Variants in PALLD observed in about 807,000 individuals in gnomAD.
PALLD encodes the protein palladin.
PALLD carries 61 observed loss-of-function variants against 123.5 expected under a neutral mutation model. The ratio of observed to expected loss-of-function variants is 0.49; its 90% confidence interval spans 0.40 to 0.61. The LOEUF is 0.61. Ranked by LOEUF, PALLD falls within the 20% of genes least tolerant of loss-of-function variation. The pLI is 0.00. For synonymous variants in PALLD, 465 were observed against 496.4 expected (o/e 0.94, Z 0.84); for missense variants, 1,273 against 1,377.0 (o/e 0.92, Z 1.20).
At chr4:168,796,039 G>T (rs1290956752) in intron 10 of PALLD, among the ~76,000 whole-genome samples, 1 of 152,106 alleles carries the variant, frequency 6.6e-6, no homozygotes, top group Non-Finnish European at 1.5e-5. Context: ...TTTATCCTTT[G>T]TGTTACAAAC....
chr4:168,767,170 C>T (rs1211883477), intron 10 of PALLD, among the ~76,000 whole-genome samples: 3 of 152,180 alleles, frequency 2.0e-5, no homozygotes, highest in Admixed American at 2.0e-4. Context: ...ACAACTATCT[C>T]TGCCTTTCAT....
rs111986901 is a variant in PALLD at position 168,571,547 on chromosome 4, T to G, written c.908+59135T>G. On this transcript the variant is annotated intron_variant, in intron 2 of 21. Coordinates refer to ENST00000505667, the MANE Select transcript of PALLD (RefSeq NM_001166108.2). Reference sequence around the variant, plus strand: ...AAAAATTTTAATTGCAATCCCTGACTTCATTTAAATTCCAGTTGACTCCCA... The same window carrying G: ...AAAAATTTTAATTGCAATCCCTGACGTCATTTAAATTCCAGTTGACTCCCA... Among the ~76,000 whole-genome samples, 1,186 of 152,294 alleles carry G rather than the reference T, an allele frequency of 7.8e-3. 8 individuals are homozygous for G. The highest frequency in any genetic ancestry group is 0.027 in the African/African-American group (1,111 of 41,568).
chr4:168,702,127 C>T (rs1783734061), intron 8 of PALLD, among the ~76,000 whole-genome samples: 1 of 152,194 alleles, frequency 6.6e-6, no homozygotes, highest in South Asian at 2.1e-4. Flanking sequence ...CTTTCATTAC[C>T]TTACTTTATG....
chr4:168,622,408 C>T (rs992627502), intron 2 of PALLD, among the ~76,000 whole-genome samples: 2 of 152,224 alleles, frequency 1.3e-5, no homozygotes, highest in African/African-American at 4.8e-5. Context: ...CAATGTCTCT[C>T]ACCAGTCGGC....
At chr4:168,502,723 G>A (rs147066816) in intron 1 of PALLD, among the ~76,000 whole-genome samples, 1 of 152,062 alleles carries the variant, frequency 6.6e-6, no homozygotes, top group Non-Finnish European at 1.5e-5. Context: ...GAAAAAGGGA[G>A]ACCTCGTTTC....
chr4:168,772,267 A>G (rs1734559935), intron 10 of PALLD, among the ~76,000 whole-genome samples: 1 of 152,168 alleles, frequency 6.6e-6, no homozygotes, highest in Non-Finnish European at 1.5e-5. Context: ...TCCTAACACA[A>G]TGCACCAAAG....
At chr4:168,707,879 A>G (rs992635191) in intron 8 of PALLD, among the ~76,000 whole-genome samples, 3 of 152,218 alleles carry the variant, frequency 2.0e-5, no homozygotes, top group African/African-American at 7.2e-5. Context: ...TACTGGTACA[A>G]TATAAGCAAT....
chr4:168,675,360 A>G (rs3109207), intron 3 of PALLD, among the ~76,000 whole-genome samples: 78,695 of 152,010 alleles, frequency 0.52, 21,936 homozygotes, highest in African/African-American at 0.73. Flanking sequence ...AATCAGATAA[A>G]ATGTGTGCCC....
chr4:168,901,538 A>G (rs981469742), intron 14 of PALLD, among the ~76,000 whole-genome samples: 16 of 152,210 alleles, frequency 1.1e-4, no homozygotes, highest in African/African-American at 3.6e-4. Flanking sequence ...TTGTATACTT[A>G]TTACAGCTTC....
intron 10 of PALLD, among the ~76,000 whole-genome samples, chr4:168,782,349 G>A (rs1363248621): frequency 6.6e-6 from 1 of 152,142 alleles, no homozygotes; most frequent in African/African-American, 2.4e-5. Flanking sequence ...TTTTAAAATA[G>A]GCAGATAGTG....
chr4:168,832,114 T>G (rs1028507801), intron 10 of PALLD: 17 of 960,458 alleles, frequency 1.8e-5, no homozygotes, highest in Middle Eastern at 5.3e-4. Context: ...CCGCTGCAGC[T>G]CCCGCTCGCT....
At chr4:168,529,515 T>C (rs1387634508) in intron 2 of PALLD, among the ~76,000 whole-genome samples, 2 of 152,156 alleles carry the variant, frequency 1.3e-5, no homozygotes, top group Non-Finnish European at 2.9e-5. Context: ...CACATGACGA[T>C]GGAAAGTCTT....
chr4:168,681,494 A>T, intron 4 of PALLD, 96 bp downstream of exon 4: 1 of 820,262 alleles, frequency 1.2e-6, no homozygotes, highest in South Asian at 1.4e-5. Flanking sequence ...TGAAGAAAAA[A>T]GTCAACTGAT....
At chr4:168,801,184 C>T (rs936496990) in intron 10 of PALLD, among the ~76,000 whole-genome samples, 1 of 152,160 alleles carries the variant, frequency 6.6e-6, no homozygotes, top group African/African-American at 2.4e-5. Flanking sequence ...GAGGGGGAGG[C>T]ACACACAGGA....
intron 10 of PALLD, among the ~76,000 whole-genome samples, chr4:168,716,216 C>T (rs947576008): frequency 1.3e-5 from 2 of 152,058 alleles, no homozygotes; most frequent in East Asian, 1.9e-4. Flanking sequence ...AGCCTGTAGA[C>T]GAGCAAAATG....
chr4:168,839,731 C>T (rs773738194), intron 10 of PALLD, among the ~76,000 whole-genome samples: 9 of 152,094 alleles, frequency 5.9e-5, no homozygotes, highest in Admixed American at 1.3e-4. Context: ...ATGTCCAGGA[C>T]ACAATTATAT....
chr4:168,574,782 A>G (rs754325046), intron 2 of PALLD, among the ~76,000 whole-genome samples: 2 of 152,138 alleles, frequency 1.3e-5, no homozygotes, highest in Non-Finnish European at 2.9e-5. Flanking sequence ...CTTATTAGCT[A>G]CTATAGAGAA....
intron 8 of PALLD, among the ~76,000 whole-genome samples, chr4:168,694,524 A>T (rs1201945023): frequency 6.8e-6 from 1 of 147,488 alleles, no homozygotes; most frequent in Non-Finnish European, 1.5e-5. Context: ...CTTTTTATTT[A>T]TTTTTTCTTT....
intron 7 of PALLD, 49 bp from the exon 8 acceptor site, chr4:168,691,220 C>T: frequency 7.3e-7 from 1 of 1,362,068 alleles, no homozygotes; most frequent in Non-Finnish European, 1.1e-6. Context: ...TTAAATGGAA[C>T]CCCATTCTAA....
Sources: allele counts gnomAD v4.1 joint callset (sites outside exome capture counted in the v4.1 genomes callset), GRCh38; gene constraint gnomAD v4.1.1; transcripts MANE v1.5; gene names NCBI Gene and HGNC (gene_info 2026-07-23, HGNC 2026-07-21).